Variants in LINC00305 observed in about 807,000 individuals in gnomAD.
LINC00305 encodes long intergenic non-protein coding RNA 305.
chr18:64,146,151 A>G (rs540068722), intron 1 of LINC00305, among the ~76,000 whole-genome samples: 1 of 152,308 alleles, frequency 6.6e-6, no homozygotes, highest in African/African-American at 2.4e-5. Context: ...TGTTTTCAAG[A>G]TTATCTAGTG....
chr18:64,094,835 C>G (rs939415784), intron 3 of LINC00305, among the ~76,000 whole-genome samples: 3 of 120,726 alleles, frequency 2.5e-5, no homozygotes, highest in African/African-American at 1.2e-4. Flanking sequence ...GCCTAAGGGA[C>G]AGAGCAAGAC....
At chr18:64,113,660 C>G (rs929241576) in intron 1 of LINC00305, among the ~76,000 whole-genome samples, 1 of 152,162 alleles carries the variant, frequency 6.6e-6, no homozygotes, top group Non-Finnish European at 1.5e-5. Flanking sequence ...CTATATTACC[C>G]GAAAGACCTT....
chr18:64,091,431 G>A (rs1399277442), intron 3 of LINC00305, among the ~76,000 whole-genome samples: 2 of 152,216 alleles, frequency 1.3e-5, no homozygotes, highest in Admixed American at 1.3e-4. Flanking sequence ...CAAAACGCAA[G>A]TTCAAAGATA....
At chr18:64,114,070 C>T (rs530695240) in intron 1 of LINC00305, among the ~76,000 whole-genome samples, 47 of 152,118 alleles carry the variant, frequency 3.1e-4, no homozygotes, top group Non-Finnish European at 3.5e-4. Flanking sequence ...GAGAGCGAGA[C>T]GATCCTGGCT....
chr18:64,123,685 A>G (rs1375816280), intron 1 of LINC00305, among the ~76,000 whole-genome samples: 4 of 151,844 alleles, frequency 2.6e-5, no homozygotes, highest in South Asian at 2.1e-4. Flanking sequence ...TTCAGGGTCC[A>G]TGTGCTATGA....
intron 1 of LINC00305, among the ~76,000 whole-genome samples, chr18:64,119,594 A>C (rs2051352764): frequency 6.6e-6 from 1 of 152,180 alleles, no homozygotes. Flanking sequence ...CCATAGTGAC[A>C]TAAAATTTGT....
chr18:64,138,172 G>A lies in LINC00305; in HGVS notation n.314+10603C>T, dbSNP rs541394846. On this transcript the variant is annotated intron_variant and non_coding_transcript_variant, in intron 1 of 3. Transcript: ENST00000666468. ...CAGTTTGCAGGTTCCATAAGTGAGG[G>A]AAATGGTTGCATTCTGGGAATGAGG... 1.2e-4 allele frequency among the ~76,000 whole-genome samples: 18 copies of A among 152,248 alleles called. No homozygotes were observed. In the South Asian group the frequency reaches 3.7e-3, roughly 32 times the overall value.
intron 3 of LINC00305, among the ~76,000 whole-genome samples, chr18:64,094,111 G>A (rs1479075709): frequency 6.6e-6 from 1 of 152,124 alleles, no homozygotes; most frequent in African/African-American, 2.4e-5. Flanking sequence ...TGGAGTCCAG[G>A]CATTTCATTT....
rs567434650 is a variant in LINC00305 at position 64,131,502 on chromosome 18, A to G, written n.314+17273T>C. Among the ~76,000 whole-genome samples, 176 of 152,276 alleles carry G rather than the reference A, an allele frequency of 1.2e-3. 1 individual carries two copies. Among genetic ancestry groups the G allele is most frequent in the African/African-American group, 4.1e-3 (172 of 41,558 alleles). The stretch of plus-strand genomic sequence containing the variant: ...GCAGGAGAGAAATGATAAATCATCC[A>G]TTTATGTCAGAGGAAAGTGCCTGCT... On this transcript the variant is annotated intron_variant and non_coding_transcript_variant, in intron 1 of 3. Coordinates refer to ENST00000666468, the Ensembl canonical transcript of LINC00305.
chr18:64,135,936 A>T (rs1241171980), intron 1 of LINC00305, among the ~76,000 whole-genome samples: 1 of 152,100 alleles, frequency 6.6e-6, no homozygotes, highest in Admixed American at 6.6e-5. Flanking sequence ...GGCATCTTAC[A>T]ATTCTTCTGA....
chr18:64,094,734 G>A (rs1275653463), intron 3 of LINC00305, among the ~76,000 whole-genome samples: 3 of 151,954 alleles, frequency 2.0e-5, no homozygotes, highest in African/African-American at 7.3e-5. Flanking sequence ...GTGTTGGCAG[G>A]TGCCTGTAAT....
intron 3 of LINC00305, among the ~76,000 whole-genome samples, chr18:64,084,387 A>G (rs939565383): frequency 3.3e-5 from 5 of 152,164 alleles, no homozygotes; most frequent in South Asian, 2.1e-4. Context: ...CCCCCGTGAC[A>G]CAAGTTTACC....
chr18:64,148,524 C>A (rs905885649), intron 1 of LINC00305, among the ~76,000 whole-genome samples: 1 of 151,854 alleles, frequency 6.6e-6, no homozygotes. Context: ...CAAAGTGGAA[C>A]AAGGTTCCCT....
intron 3 of LINC00305, among the ~76,000 whole-genome samples, chr18:64,096,486 A>G (rs2051245592): frequency 6.6e-6 from 1 of 151,842 alleles, no homozygotes; most frequent in Non-Finnish European, 1.5e-5. Context: ...AAAACCAGAA[A>G]TAGGTACATA....
At chr18:64,116,436 ATATT>A (rs375541392) in intron 1 of LINC00305, among the ~76,000 whole-genome samples, 43 of 152,316 alleles carry the variant, frequency 2.8e-4, no homozygotes, top group African/African-American at 1.0e-3. Context: ...CATCTTAAGA[ATATT>A]TATTTCATAA....
chr18:64,121,860 A>G (rs949950750), intron 1 of LINC00305, among the ~76,000 whole-genome samples: 2 of 152,048 alleles, frequency 1.3e-5, no homozygotes, highest in African/African-American at 4.8e-5. Context: ...TTTGTTATAC[A>G]TTATCTTTTC....
chr18:64,109,234 G>T (rs2051304742), intron 1 of LINC00305, among the ~76,000 whole-genome samples: 2 of 152,194 alleles, frequency 1.3e-5, no homozygotes, highest in South Asian at 2.1e-4. Flanking sequence ...TTTAATTGGG[G>T]TCAGTGCACA....
intron 1 of LINC00305, among the ~76,000 whole-genome samples, chr18:64,117,001 A>G (rs570919037): frequency 1.3e-5 from 2 of 152,342 alleles, no homozygotes; most frequent in East Asian, 1.9e-4. Flanking sequence ...TTGCATAACA[A>G]TGAGTTTCAT....
chr18:64,119,665 T>G (rs1599220990), intron 1 of LINC00305, among the ~76,000 whole-genome samples: 2 of 152,218 alleles, frequency 1.3e-5, no homozygotes, highest in East Asian at 3.9e-4. Context: ...TTCCTTATAG[T>G]GAAGGAATGG....
Sources: gnomAD v4.1 joint callset for allele counts (sites outside exome capture counted in the v4.1 genomes callset) on GRCh38, gnomAD v4.1.1 for gene constraint, MANE v1.5 for transcripts, NCBI Gene and HGNC (gene_info 2026-07-23, HGNC 2026-07-21) for gene names.